RPAP2: variants seen among roughly 807,000 people sequenced by gnomAD.
The protein encoded by RPAP2 is putative RNA polymerase II subunit B1 CTD phosphatase RPAP2.
RPAP2 carries 52 observed loss-of-function variants against 73.1 expected under a neutral mutation model. The ratio of observed to expected loss-of-function variants is 0.71; its 90% CI spans 0.57 to 0.90. The LOEUF (loss-of-function observed/expected upper bound fraction) is 0.90. Ranked by LOEUF, RPAP2 falls within the 40% of genes least tolerant of loss-of-function variation. The pLI, the probability that RPAP2 is intolerant of heterozygous loss-of-function variation, is 0.00. For missense variants in RPAP2, 598 were observed against 701.8 expected (o/e 0.85, Z 1.67); for synonymous variants, 225 against 242.1 (o/e 0.93, Z 0.65).
intron 12 of RPAP2, among the ~76,000 whole-genome samples, chr1:92,381,280 C>T (rs1230741335): frequency 6.6e-6 from 1 of 152,116 alleles, no homozygotes; most frequent in Non-Finnish European, 1.5e-5. Flanking sequence ...GAAATCAACC[C>T]CTACCCAGCC....
At chr1:92,319,109 C>T (rs1355451686) in intron 6 of RPAP2, among the ~76,000 whole-genome samples, 6 of 152,036 alleles carry the variant, frequency 3.9e-5, no homozygotes, top group Admixed American at 1.3e-4. Context: ...AGGGATTAGC[C>T]TCAAATGCCT....
At chr1:92,335,784 A>T (rs187209256) in intron 9 of RPAP2, among the ~76,000 whole-genome samples, 62 of 152,304 alleles carry the variant, frequency 4.1e-4, no homozygotes, top group African/African-American at 1.5e-3. Context: ...TCACCTATTG[A>T]TACACATTTG....
intron 2 of RPAP2, 80 bp from the exon 3 acceptor site, chr1:92,301,392 GAGTT>G: frequency 1.8e-6 from 1 of 555,416 alleles, no homozygotes; most frequent in Non-Finnish European, 3.1e-6. Flanking sequence ...GCAAAATAGT[GAGTT>G]AGGTTAGTAT....
intron 6 of RPAP2, among the ~76,000 whole-genome samples, chr1:92,309,664 A>C (rs1428028524): frequency 2.6e-5 from 4 of 152,110 alleles, no homozygotes; most frequent in African/African-American, 9.7e-5. Flanking sequence ...TTTAACAATC[A>C]CTGGATGCCA....
At chr1:92,357,333 T>C (rs1227512718) in intron 11 of RPAP2, among the ~76,000 whole-genome samples, 1 of 152,156 alleles carries the variant, frequency 6.6e-6, no homozygotes, top group Non-Finnish European at 1.5e-5. Context: ...TTGGGATTCA[T>C]AGAAGTAAAA....
intron 10 of RPAP2, among the ~76,000 whole-genome samples, chr1:92,344,265 C>T (rs147736010): frequency 0.014 from 2,123 of 152,042 alleles, 49 homozygotes; most frequent in African/African-American, 0.048. Context: ...AAAAATTAGG[C>T]GTGGTGGCAT....
At chr1:92,352,946 CAT>C (rs1654289190) in intron 11 of RPAP2, among the ~76,000 whole-genome samples, 1 of 152,206 alleles carries the variant, frequency 6.6e-6, no homozygotes, top group South Asian at 2.1e-4. Flanking sequence ...TAAATGGAAT[CAT>C]ATGTGACCTT....
rs1310733487 is a variant in RPAP2, at chr1:92,388,476, A to C, written c.*1465A>C. The C allele has an allele frequency of 2.0e-5, 3 of 152,266 alleles. No homozygotes were observed. The highest frequency in any genetic ancestry group is 7.2e-5 in the African/African-American group (3 of 41,460). 9.4% of individuals were successfully genotyped at this position (152,266 alleles called of 1,614,324 possible). Reference sequence around the variant, plus strand: ...GACACAGAAGATGGGTGATTTCTGCATTTTCAACTAAAGTACCTGGTTCGT... The same window carrying C: ...GACACAGAAGATGGGTGATTTCTGCCTTTTCAACTAAAGTACCTGGTTCGT... On this transcript the variant is annotated 3_prime_UTR_variant, in exon 13 of 13. Transcript: ENST00000610020.
At chr1:92,383,150 C>T (rs1388182213) in intron 12 of RPAP2, among the ~76,000 whole-genome samples, 1 of 152,128 alleles carries the variant, frequency 6.6e-6, no homozygotes, top group Non-Finnish European at 1.5e-5. Flanking sequence ...GTACCAGTAC[C>T]ATGCTGTTTT....
In RPAP2 at chr1:92,393,901, T is replaced by C. The variant is rs934339646; in HGVS notation, c.*6890T>C. The C allele has an allele frequency of 2.6e-5, 4 of 152,178 alleles. No homozygotes were observed. The highest frequency in any genetic ancestry group is 9.6e-5 in the African/African-American group (4 of 41,456). 9.4% of individuals were successfully genotyped at this position (152,178 alleles called of 1,614,324 possible). ...TGGGAGTGCAAATTAGTCCGACCAT[T>C]GTGGAAGTCAGTGTGACGACTCCTC... On this transcript the variant is annotated 3_prime_UTR_variant, in exon 13 of 13. Coordinates refer to ENST00000610020, the MANE Select transcript of RPAP2 (RefSeq NM_024813.3).
intron 8 of RPAP2, among the ~76,000 whole-genome samples, chr1:92,330,304 C>T (rs1010591882): frequency 6.6e-6 from 1 of 152,048 alleles, no homozygotes; most frequent in African/African-American, 2.4e-5. Context: ...TGGTTGTAAT[C>T]ATTTGGTAAA....
chr1:92,321,456 C>A (rs1652254592), intron 7 of RPAP2, among the ~76,000 whole-genome samples: 1 of 151,816 alleles, frequency 6.6e-6, no homozygotes, highest in Admixed American at 6.6e-5. Context: ...ACCTTGCTTT[C>A]AACTTTTATA....
chr1:92,313,372 T>A (rs1651709303), intron 6 of RPAP2, among the ~76,000 whole-genome samples: 1 of 152,204 alleles, frequency 6.6e-6, no homozygotes, highest in Admixed American at 6.5e-5. Flanking sequence ...AACACTAATC[T>A]TGTACATTTG....
intron 10 of RPAP2, among the ~76,000 whole-genome samples, chr1:92,345,394 AAAAAAAAGAG>A (rs1557614816): frequency 1.3e-5 from 2 of 148,712 alleles, no homozygotes; most frequent in African/African-American, 4.9e-5. Flanking sequence ...AAAAAAAAAA[AAAAAAAAGAG>A]AGAGAGAGAA....
At chr1:92,309,678 C>T (rs1651476365) in intron 6 of RPAP2, among the ~76,000 whole-genome samples, 1 of 152,080 alleles carries the variant, frequency 6.6e-6, no homozygotes. Context: ...GATGCCAGAA[C>T]ATGAATTAAA....
At chr1:92,363,985 G>A (rs1044845570) in intron 11 of RPAP2, among the ~76,000 whole-genome samples, 4 of 152,154 alleles carry the variant, frequency 2.6e-5, no homozygotes, top group Admixed American at 2.6e-4. Flanking sequence ...GGAGTCAAAA[G>A]TTATATACAG....
At chr1:92,347,659 A>G (rs1284322744) in intron 11 of RPAP2, among the ~76,000 whole-genome samples, 2 of 152,238 alleles carry the variant, frequency 1.3e-5, no homozygotes, top group African/African-American at 4.8e-5. Flanking sequence ...TTAAAATTTC[A>G]TATGATTATT....
In RPAP2 at chr1:92,392,003, A is replaced by G. The variant is rs1199493028; in HGVS notation, c.*4992A>G. ...TTCTGAAACTATTCCAATCAATAGA[A>G]GAAAAGGGAATCCTCCCTAACTCAT... On this transcript the variant is annotated 3_prime_UTR_variant, in exon 13 of 13. Transcript: ENST00000610020. The G allele has an allele frequency of 6.6e-6, 1 of 152,220 alleles. No homozygotes were observed. The highest frequency in any genetic ancestry group is 1.5e-5 in the Non-Finnish European group (1 of 68,040). 9.4% of individuals were successfully genotyped at this position (152,220 alleles called of 1,614,324 possible). A position where few individuals can be genotyped will look rare whatever the true frequency, so the allele number is the denominator to read the frequency against.
chr1:92,321,902 AT>A (rs1305565835), intron 7 of RPAP2, among the ~76,000 whole-genome samples: 338 of 125,976 alleles, frequency 2.7e-3, no homozygotes, highest in African/African-American at 8.6e-3. Context: ...AATTCCTGTA[AT>A]TTTTTTTTTT....
Sources: gnomAD v4.1 joint callset for allele counts (sites outside exome capture counted in the v4.1 genomes callset) on GRCh38, gnomAD v4.1.1 for gene constraint, MANE v1.5 for transcripts, NCBI Gene and HGNC (gene_info 2026-07-23, HGNC 2026-07-21) for gene names.